SAMM50: variants seen among roughly 807,000 people sequenced by gnomAD.
The protein encoded by SAMM50 is SAMM50 sorting and assembly machinery component, also known as sorting and assembly machinery component 50 homolog.
Under a neutral mutation model 66.9 loss-of-function variants are expected in SAMM50, and 47 were observed. The ratio of observed to expected loss-of-function variants is 0.70; its 90% CI spans 0.56 to 0.90. The LOEUF (loss-of-function observed/expected upper bound fraction) is 0.90, where lower values mean the gene tolerates loss of function less well. Among genes scored for constraint, SAMM50 ranks in the 40% least tolerant of loss-of-function variants. SAMM50 has a pLI of 0.00. For missense variants in SAMM50, 535 were observed against 595.3 expected, an observed-to-expected ratio of 0.90 and a Z score of 1.05; for synonymous variants, 191 against 214.1, an observed-to-expected ratio of 0.89 and a Z score of 0.94.
rs2050309120 is a variant in SAMM50, at chr22:43,989,117, A to T, written c.1082A>T (p.Tyr361Phe). ...HSIGPQSEGDYLGGEAYWAGG... is the reference protein window; with the variant it reads ...HSIGPQSEGDFLGGEAYWAGG... ...GCACCCCTCCTTTGCTTAGGAGACTACCTAGGTGGAGAAGCGTACTGGGCC... is the reference window on the plus strand; with the variant it reads ...GCACCCCTCCTTTGCTTAGGAGACTTCCTAGGTGGAGAAGCGTACTGGGCC... The change falls in exon 13 of 15, where the codon TAC (tyrosine) becomes TTC (phenylalanine). Residue 361 changes from tyrosine (Y) to phenylalanine (F), a missense_variant. Physicochemically the swap from Tyr to Phe is conservative, Grantham distance 22. Coordinates refer to ENST00000350028, the MANE Select transcript of SAMM50 (RefSeq NM_015380.5). 2 of 1,613,674 alleles carry T rather than the reference A, an allele frequency of 1.2e-6. No homozygotes were observed. The highest frequency in any genetic ancestry group is 4.5e-5 in the East Asian group (2 of 44,854).
intron 3 of SAMM50, 140 bp from the exon 4 acceptor site, chr22:43,968,591 G>T (rs968075231): frequency 1.6e-6 from 1 of 625,676 alleles, no homozygotes. Context: ...CTGTCATGTG[G>T]CTGGTCTTGG....
intron 10 of SAMM50, among the ~76,000 whole-genome samples, chr22:43,979,981 A>C (rs534874287): frequency 1.4e-5 from 2 of 147,726 alleles, no homozygotes; most frequent in East Asian, 4.1e-4. Flanking sequence ...AACCTCCTAG[A>C]TGGAAGTGGG....
chr22:43,992,479 G>A (rs1001019521), intron 14 of SAMM50, among the ~76,000 whole-genome samples: 3 of 152,278 alleles, frequency 2.0e-5, no homozygotes, highest in Non-Finnish European at 2.9e-5. Context: ...TCCCCTCCAC[G>A]CCTCTCCTGT....
At chr22:43,979,684 A>C (rs1408917386) in intron 10 of SAMM50, among the ~76,000 whole-genome samples, 2 of 151,344 alleles carry the variant, frequency 1.3e-5, no homozygotes, top group Non-Finnish European at 1.5e-5. Flanking sequence ...CAGATGTGTT[A>C]GTGTTTCTGA....
At chr22:43,996,268 G>A (rs1195136436) in intron 14 of SAMM50, 70 bp from the exon 15 acceptor site, 3 of 1,537,204 alleles carry the variant, frequency 2.0e-6, no homozygotes, top group Non-Finnish European at 2.7e-6. Flanking sequence ...AGAGGCGCAT[G>A]CTCAGTGAGT....
chr22:43,964,461 C>G lies in SAMM50; in HGVS notation c.142C>G (p.Gln48Glu), dbSNP rs775258924. ...EILENKDVVV[Q>E]HVHFDGLGRT... ...CCTGTGTGACTTTTAGGTGGTTGTT[C>G]AACATGTTCATTTTGATGGACTTGG... is the stretch of plus-strand genomic sequence containing the variant. Residue 48 changes from glutamine to glutamate, a missense_variant, in exon 3 of 15, where the codon CAA (glutamine) becomes GAA (glutamate). By Grantham distance (29) the Gln-to-Glu change is conservative. Transcript: ENST00000350028. 6.2e-7 allele frequency: 1 copy of G among 1,600,946 alleles called. No homozygotes were observed. Among genetic ancestry groups the G allele is most frequent in the African/African-American group, 1.3e-5 (1 of 74,636 alleles).
intron 3 of SAMM50, among the ~76,000 whole-genome samples, chr22:43,964,778 C>A (rs1343765709): frequency 2.0e-5 from 3 of 152,154 alleles, no homozygotes; most frequent in Non-Finnish European, 4.4e-5. Context: ...GTCTCTTATC[C>A]TGGAGAAAGA....
chr22:43,969,719 G>A (rs1240836450), intron 4 of SAMM50, among the ~76,000 whole-genome samples: 1 of 152,182 alleles, frequency 6.6e-6, no homozygotes, highest in South Asian at 2.1e-4. Context: ...AGAATGTTCT[G>A]GGGACAGAGA....
intron 4 of SAMM50, among the ~76,000 whole-genome samples, chr22:43,969,631 G>A (rs2050193466): frequency 6.6e-6 from 1 of 152,244 alleles, no homozygotes; most frequent in Non-Finnish European, 1.5e-5. Flanking sequence ...TGTCCCTGAA[G>A]GGGCGATGTC....
intron 10 of SAMM50, among the ~76,000 whole-genome samples, chr22:43,978,376 A>C (rs2050244631): frequency 7.1e-6 from 1 of 140,856 alleles, no homozygotes; most frequent in African/African-American, 2.6e-5. Flanking sequence ...CAGAGCTTGC[A>C]GTGAGCCAAG....
intron 1 of SAMM50, among the ~76,000 whole-genome samples, chr22:43,960,716 A>G (rs1018049420): frequency 1.3e-5 from 2 of 152,156 alleles, no homozygotes; most frequent in Non-Finnish European, 2.9e-5. Flanking sequence ...GCCACAGAGC[A>G]AGACTCTGTC....
intron 10 of SAMM50, among the ~76,000 whole-genome samples, chr22:43,979,553 C>G (rs534629351): frequency 6.6e-6 from 1 of 152,188 alleles, no homozygotes; most frequent in Non-Finnish European, 1.5e-5. Flanking sequence ...TGAGTCGTCT[C>G]TGCTCCTCTC....
chr22:43,985,572 G>A (rs1014720060), intron 12 of SAMM50, among the ~76,000 whole-genome samples: 1 of 152,070 alleles, frequency 6.6e-6, no homozygotes, highest in Non-Finnish European at 1.5e-5. Context: ...TTGTCTGGAA[G>A]TACCACAGTT....
At chr22:43,978,014 T>C in intron 10 of SAMM50, 56 bp downstream of exon 10, 2 of 1,171,410 alleles carry the variant, frequency 1.7e-6, no homozygotes, top group Non-Finnish European at 2.5e-6. Context: ...TTGGGGATCT[T>C]ACCACAGAAT....
intron 11 of SAMM50, 60 bp downstream of exon 11, chr22:43,981,521 G>GT (rs2050264808): frequency 5.0e-6 from 6 of 1,202,800 alleles, no homozygotes; most frequent in Admixed American, 3.4e-5. Context: ...CTTTTCAGTT[G>GT]TTTTTTATAA....
chr22:43,964,670 C>T, intron 3 of SAMM50, 117 bp downstream of exon 3: 1 of 592,752 alleles, frequency 1.7e-6, no homozygotes, highest in Non-Finnish European at 3.1e-6. Flanking sequence ...GATCTGCCTC[C>T]TACCCCACAG....
intron 11 of SAMM50, 61 bp downstream of exon 11, chr22:43,981,522 T>A: frequency 8.4e-7 from 1 of 1,190,760 alleles, no homozygotes; most frequent in Admixed American, 1.7e-5. Context: ...TTTTCAGTTG[T>A]TTTTTATAAG....
Position 43,957,200 on chromosome 22 carries a change from G to A in SAMM50, c.21+1602G>A, listed in dbSNP as rs111936331. On this transcript the variant is annotated intron_variant, in intron 1 of 14. Transcript: ENST00000350028. ...AAGAACAACATAGTGACTCCTGGCG[G>A]CAAATCAAACAAAGCCAGAGTAATC... 4.7e-4 allele frequency: 321 copies of A among 684,078 alleles called. No individual in the cohort carries two copies. In the African/African-American group the frequency reaches 5.0e-3, roughly 11 times the overall value. 42.4% of individuals were successfully genotyped at this position (684,078 alleles called of 1,614,324 possible).
chr22:43,957,161 A>G, intron 1 of SAMM50: 1 of 758,240 alleles, frequency 1.3e-6, no homozygotes, highest in Middle Eastern at 3.7e-4. Flanking sequence ...ATTTGGGCTC[A>G]TGTATACAAA....
Sources: gnomAD v4.1 joint callset for allele counts (sites outside exome capture counted in the v4.1 genomes callset) on GRCh38, gnomAD v4.1.1 for gene constraint, MANE v1.5 for transcripts, NCBI Gene and HGNC (gene_info 2026-07-23, HGNC 2026-07-21) for gene names.